Variants in COG2 observed in about 807,000 individuals in gnomAD.
The protein encoded by COG2 is component of oligomeric golgi complex 2.
A neutral mutation model predicts 90.6 loss-of-function variants in COG2; 52 were observed. That is an observed-to-expected ratio of 0.57 (90% CI 0.46 to 0.72). The LOEUF is 0.72. COG2 is among the 30% of genes least tolerant of loss of function. The probability of loss-of-function intolerance (pLI) is 0.00; values close to 1 mark genes in which losing one functional copy is unlikely to be tolerated. For missense variants in COG2, 829 were observed against 891.2 expected (o/e 0.93, Z 0.89); for synonymous variants, 337 against 320.4 (o/e 1.05, Z -0.55).
At chr1:230,690,395 C>A in intron 16 of COG2, 1 of 374,990 alleles carries the variant, frequency 2.7e-6, no homozygotes, top group East Asian at 4.6e-5. Context: ...GTGCACAGTG[C>A]CCCCGCATCT....
chr1:230,646,277 G>A (rs1002574933), intron 1 of COG2, among the ~76,000 whole-genome samples: 2 of 152,018 alleles, frequency 1.3e-5, no homozygotes, highest in South Asian at 2.1e-4. Context: ...TTCCACTAAA[G>A]ACTTCTCACC....
intron 4 of COG2, 25 bp from the exon 5 acceptor site, chr1:230,664,458 CT>C: frequency 9.6e-7 from 1 of 1,039,498 alleles, no homozygotes; most frequent in East Asian, 2.7e-5. Context: ...ATGACAATAA[CT>C]TTTTTCCTTA....
chr1:230,647,844 TA>T (rs1190592905), intron 1 of COG2, among the ~76,000 whole-genome samples: 1 of 126,422 alleles, frequency 7.9e-6, no homozygotes, highest in Non-Finnish European at 1.7e-5. Context: ...TTTTTTTAAT[TA>T]TTTTTTTAAA....
Position 230,672,701 on chromosome 1 carries a change from A to T in COG2, c.899+1061A>T, listed in dbSNP as rs147597452. The stretch of plus-strand genomic sequence containing the variant: ...AAGGCCATTTTTTCTCCTAATGTTC[A>T]GCATTCATCATGTCCTCTGGATTGC... On this transcript the variant is annotated intron_variant, in intron 8 of 17. Coordinates refer to ENST00000366669, the MANE Select transcript of COG2 (RefSeq NM_007357.3). 9.3e-5 allele frequency among the ~76,000 whole-genome samples: 14 copies of T among 151,314 alleles called. No individual in the cohort carries two copies. The East Asian group carries it at 2.7e-3, about 29-fold the overall frequency.
At chr1:230,668,885 A>C in intron 6 of COG2, 101 bp downstream of exon 6, 1 of 726,126 alleles carries the variant, frequency 1.4e-6, no homozygotes, top group East Asian at 2.8e-5. Flanking sequence ...TTTTGAAGCT[A>C]ACCTTGCATT....
At chr1:230,686,426 T>TTATCCCATTCTA (rs1662886014) in intron 12 of COG2, among the ~76,000 whole-genome samples, 1 of 152,254 alleles carries the variant, frequency 6.6e-6, no homozygotes, top group Non-Finnish European at 1.5e-5. Context: ...TGAATGTTCA[T>TTATCCCATTCTA]TATCCCATTC....
chr1:230,672,664 TAAAA>T (rs11297922), intron 8 of COG2, among the ~76,000 whole-genome samples: 1 of 146,490 alleles, frequency 6.8e-6, no homozygotes, highest in Non-Finnish European at 1.5e-5. Flanking sequence ...AACCCCATCT[TAAAA>T]AAAAAAAAAG....
intron 2 of COG2, 46 bp from the exon 3 acceptor site, chr1:230,660,712 A>T: frequency 7.4e-7 from 1 of 1,350,452 alleles, no homozygotes; most frequent in Non-Finnish European, 1.0e-6. Flanking sequence ...CTTAGCTGTT[A>T]CTCTTGATTG....
intron 1 of COG2, among the ~76,000 whole-genome samples, chr1:230,659,234 T>A (rs955722584): frequency 6.6e-6 from 1 of 152,232 alleles, no homozygotes; most frequent in African/African-American, 2.4e-5. Flanking sequence ...TTTTAGAATT[T>A]TAGGCAACAG....
intron 1 of COG2, among the ~76,000 whole-genome samples, chr1:230,647,475 G>A (rs753411795): frequency 6.6e-6 from 1 of 152,156 alleles, no homozygotes; most frequent in Non-Finnish European, 1.5e-5. Flanking sequence ...CTGAGCACTC[G>A]TGTGATTTTG....
intron 9 of COG2, chr1:230,678,360 A>C: frequency 1.0e-6 from 1 of 985,426 alleles, no homozygotes; most frequent in Non-Finnish European, 1.2e-6. Context: ...TTGTGGGTTA[A>C]ATTAAATAAG....
chr1:230,658,246 A>T (rs1662109305), intron 1 of COG2, among the ~76,000 whole-genome samples: 1 of 151,834 alleles, frequency 6.6e-6, no homozygotes, highest in Admixed American at 6.6e-5. Flanking sequence ...CTTTGGATGG[A>T]GTCTTTGAGT....
intron 9 of COG2, chr1:230,678,119 A>G (rs1427313367): frequency 2.0e-6 from 2 of 985,342 alleles, no homozygotes; most frequent in African/African-American, 3.5e-5. Context: ...TGAGAAGAAC[A>G]TAAAAAATTC....
At chr1:230,654,521 T>G (rs1362817397) in intron 1 of COG2, among the ~76,000 whole-genome samples, 1 of 152,220 alleles carries the variant, frequency 6.6e-6, no homozygotes, top group Non-Finnish European at 1.5e-5. Flanking sequence ...TGTAGCCTTG[T>G]AGTATAGTTT....
Position 230,690,166 on chromosome 1 carries a change from A to C in COG2, c.1934+13A>C, listed in dbSNP as rs1044289534. 1 of 1,610,220 alleles carries C rather than the reference A, an allele frequency of 6.2e-7. No homozygotes were observed. The highest frequency in any genetic ancestry group is 8.5e-7 in the Non-Finnish European group (1 of 1,178,330). Reference sequence around the variant, plus strand: ...AAAGCACTCATAAGTAAGTAAATTAAAAGCAGACCTTGTGGGCCTTGCTTA... The same window carrying C: ...AAAGCACTCATAAGTAAGTAAATTACAAGCAGACCTTGTGGGCCTTGCTTA... On this transcript the variant is annotated intron_variant, in intron 16 of 17. Coordinates refer to ENST00000366669, the MANE Select transcript of COG2 (RefSeq NM_007357.3).
intron 11 of COG2, 35 bp from the exon 12 acceptor site, chr1:230,685,050 T>G: frequency 6.2e-7 from 1 of 1,610,458 alleles, no homozygotes; most frequent in Non-Finnish European, 8.5e-7. Flanking sequence ...TGCCTGAAAT[T>G]CCTTAAATGT....
At chr1:230,683,714 T>A in intron 11 of COG2, 79 bp downstream of exon 11, 1 of 924,720 alleles carries the variant, frequency 1.1e-6, no homozygotes, top group Non-Finnish European at 1.7e-6. Context: ...GATTGCAGTA[T>A]TCTGAGCGTA....
intron 12 of COG2, among the ~76,000 whole-genome samples, 181 bp from the exon 13 acceptor site, chr1:230,686,754 C>G (rs1195707133): frequency 3.3e-5 from 5 of 152,224 alleles, no homozygotes; most frequent in African/African-American, 9.6e-5. Context: ...TTGTTTCTCT[C>G]TTAGTGCTTC....
chr1:230,688,249 C>T, intron 14 of COG2, 106 bp downstream of exon 14: 1 of 1,191,944 alleles, frequency 8.4e-7, no homozygotes, highest in African/African-American at 1.6e-5. Context: ...AGTTGTAAAT[C>T]CTTGGTTGTT....
Sources: allele counts gnomAD v4.1 joint callset (sites outside exome capture counted in the v4.1 genomes callset), GRCh38; gene constraint gnomAD v4.1.1; transcripts MANE v1.5; gene names NCBI Gene and HGNC (gene_info 2026-07-23, HGNC 2026-07-21).